BMP6: variants seen among roughly 807,000 people sequenced by gnomAD.
The protein encoded by BMP6 is bone morphogenetic protein 6, also known as VG-1-R.
In BMP6, 17 loss-of-function variants were observed where a neutral mutation model predicts 54.1. That is an observed-to-expected ratio of 0.31 (90% CI 0.22 to 0.47). The LOEUF (loss-of-function observed/expected upper bound fraction) is 0.47. BMP6 is among the 20% of genes least tolerant of loss of function. The pLI is 1.00. For synonymous variants in BMP6, 328 were observed against 291.2 expected (o/e 1.13, Z -1.28); for missense variants, 720 against 690.4 (o/e 1.04, Z -0.48).
rs1352872161 is a variant in BMP6 at position 7,726,913 on chromosome 6, C to T, written c.-43C>T. 8.9e-7 allele frequency: 1 copy of T among 1,117,748 alleles called. No homozygotes were observed. Among genetic ancestry groups the T allele is most frequent in the African/African-American group, 1.7e-5 (1 of 60,416 alleles). 69.2% of individuals were successfully genotyped at this position (1,117,748 alleles called of 1,614,324 possible). A position where few individuals can be genotyped will look rare whatever the true frequency, so the allele number is the denominator to read the frequency against. On this transcript the variant is annotated 5_prime_UTR_variant, in exon 1 of 7. Transcript: ENST00000283147. ...CGCGCTCCGGCCTCGCTCCGCCGCT[C>T]CACGCCTCGCGGGATCCGCGGGGGC...
intron 1 of BMP6, among the ~76,000 whole-genome samples, chr6:7,775,884 C>G (rs1248848840): frequency 6.6e-6 from 1 of 152,196 alleles, no homozygotes; most frequent in African/African-American, 2.4e-5. Flanking sequence ...ATACCATTCT[C>G]TACCTTCTAA....
At chr6:7,766,103 C>G (rs1450096255) in intron 1 of BMP6, among the ~76,000 whole-genome samples, 1 of 152,192 alleles carries the variant, frequency 6.6e-6, no homozygotes, top group Non-Finnish European at 1.5e-5. Flanking sequence ...CTTTCTCCAT[C>G]GGCCACAATA....
intron 1 of BMP6, among the ~76,000 whole-genome samples, chr6:7,826,838 G>C (rs1758705042): frequency 6.6e-6 from 1 of 152,236 alleles, no homozygotes; most frequent in East Asian, 1.9e-4. Flanking sequence ...CTGCATGGCT[G>C]ATTCCTTTCT....
chr6:7,770,739 AG>A (rs760275301), intron 1 of BMP6, among the ~76,000 whole-genome samples: 13 of 152,352 alleles, frequency 8.5e-5, no homozygotes, highest in South Asian at 4.1e-4. Context: ...GTTCTAGGAA[AG>A]GGGGCTGGGA....
chr6:7,765,016 C>T (rs1757665225), intron 1 of BMP6, among the ~76,000 whole-genome samples: 1 of 152,200 alleles, frequency 6.6e-6, no homozygotes, highest in Admixed American at 6.5e-5. Flanking sequence ...AATTTTTTCT[C>T]GATAGTGGGA....
At chr6:7,753,486 A>C (rs1457103448) in intron 1 of BMP6, among the ~76,000 whole-genome samples, 1 of 152,212 alleles carries the variant, frequency 6.6e-6, no homozygotes, top group African/African-American at 2.4e-5. Context: ...TCATAGGCAC[A>C]GTAAGGTTCG....
At chr6:7,879,223 TACCAAACACC>T in intron 5 of BMP6, 73 bp downstream of exon 5, 1 of 1,452,542 alleles carries the variant, frequency 6.9e-7, no homozygotes, top group Non-Finnish European at 9.7e-7. Context: ...TGGCAGCCAT[TACCAAACACC>T]CAGAGCTTGA....
At chr6:7,849,627 G>A (rs143937953) in intron 2 of BMP6, among the ~76,000 whole-genome samples, 79 of 152,188 alleles carry the variant, frequency 5.2e-4, no homozygotes, top group African/African-American at 1.8e-3. Flanking sequence ...TTTCTTCTAC[G>A]TTTTTTACTT....
At chr6:7,861,007 T>G (rs1198681105) in intron 2 of BMP6, among the ~76,000 whole-genome samples, 1 of 152,026 alleles carries the variant, frequency 6.6e-6, no homozygotes, top group African/African-American at 2.4e-5. Context: ...CATAAATAAA[T>G]TTTTAAAACA....
chr6:7,863,161 G>A (rs768800252), intron 4 of BMP6, among the ~76,000 whole-genome samples: 7 of 152,050 alleles, frequency 4.6e-5, no homozygotes, highest in Non-Finnish European at 8.8e-5. Flanking sequence ...ACCACGCCTG[G>A]CTAATTTTTT....
At chr6:7,851,173 A>G (rs557855983) in intron 2 of BMP6, among the ~76,000 whole-genome samples, 2 of 152,318 alleles carry the variant, frequency 1.3e-5, no homozygotes, top group South Asian at 4.1e-4. Flanking sequence ...TGGGCTTCTG[A>G]TTGGAATTGC....
intron 1 of BMP6, among the ~76,000 whole-genome samples, chr6:7,757,096 T>TAAACTC (rs1757526143): frequency 6.6e-6 from 1 of 152,230 alleles, no homozygotes; most frequent in African/African-American, 2.4e-5. Flanking sequence ...CTCTGTCTTC[T>TAAACTC]AAACTCAATG....
intron 1 of BMP6, among the ~76,000 whole-genome samples, chr6:7,775,413 A>G (rs986902551): frequency 4.6e-5 from 7 of 152,240 alleles, no homozygotes; most frequent in Non-Finnish European, 1.0e-4. Flanking sequence ...TTGGAAAGAT[A>G]CAGAACACCC....
intron 1 of BMP6, among the ~76,000 whole-genome samples, chr6:7,795,250 G>C (rs1333191605): frequency 6.6e-6 from 1 of 152,198 alleles, no homozygotes; most frequent in Non-Finnish European, 1.5e-5. Flanking sequence ...TTTTGAAAGA[G>C]GCATGTGCAA....
At position 7,726,933 on chromosome 6, in the gene BMP6, G is replaced by C. The variant is rs1761736246; in HGVS notation, c.-23G>C. On this transcript the variant is annotated 5_prime_UTR_variant, in exon 1 of 7. Transcript: ENST00000283147. ...CCGCTCCACGCCTCGCGGGATCCGCGGGGGCAGCCCGGCCGGGCGGGGATG... is the reference window on the plus strand; with the variant it reads ...CCGCTCCACGCCTCGCGGGATCCGCCGGGGCAGCCCGGCCGGGCGGGGATG... The C allele has an allele frequency of 2.7e-6, 3 of 1,131,488 alleles. No homozygotes were observed. Among genetic ancestry groups the C allele is most frequent in the Admixed American group, 4.9e-5 (1 of 20,368 alleles). 70.1% of individuals were successfully genotyped at this position (1,131,488 alleles called of 1,614,324 possible). A position where few individuals can be genotyped will look rare whatever the true frequency, so the allele number is the denominator to read the frequency against.
At chr6:7,835,441 T>C (rs1438232671) in intron 1 of BMP6, among the ~76,000 whole-genome samples, 1 of 152,204 alleles carries the variant, frequency 6.6e-6, no homozygotes, top group Non-Finnish European at 1.5e-5. Flanking sequence ...CTGAGAGTTG[T>C]TCTTAGTCAA....
intron 1 of BMP6, among the ~76,000 whole-genome samples, chr6:7,743,569 C>A (rs1757302036): frequency 6.6e-6 from 1 of 152,202 alleles, no homozygotes; most frequent in African/African-American, 2.4e-5. Flanking sequence ...TATTCTCATG[C>A]ATGCATGCTC....
intron 2 of BMP6, among the ~76,000 whole-genome samples, chr6:7,848,560 A>G (rs947677542): frequency 6.6e-6 from 1 of 152,028 alleles, no homozygotes; most frequent in Admixed American, 6.5e-5. Context: ...TAGCCTCCAA[A>G]TTCTCGGGGA....
intron 1 of BMP6, among the ~76,000 whole-genome samples, chr6:7,774,396 A>G (rs1757833425): frequency 6.6e-6 from 1 of 152,212 alleles, no homozygotes. Flanking sequence ...CTAAAACTAC[A>G]AAAACTAGCT....
Sources: allele counts gnomAD v4.1 joint callset (sites outside exome capture counted in the v4.1 genomes callset), GRCh38; gene constraint gnomAD v4.1.1; transcripts MANE v1.5; gene names NCBI Gene and HGNC (gene_info 2026-07-23, HGNC 2026-07-21).